The following CYP2A13 variants were observed in gnomAD, a reference collection of about 807,000 sequenced individuals.
The protein encoded by CYP2A13 is cytochrome P450 family 2 subfamily A member 13.
A neutral mutation model predicts 39.4 loss-of-function variants in CYP2A13; 30 were observed. The observed-to-expected ratio is 0.76, with a 90% CI of 0.57 to 1.03. The LOEUF (loss-of-function observed/expected upper bound fraction) is 1.03, where lower values mean the gene tolerates loss of function less well. CYP2A13 is among the 50% of genes least tolerant of loss of function. The pLI, the probability that CYP2A13 is intolerant of heterozygous loss-of-function variation, is 0.00. For synonymous variants in CYP2A13, 269 were observed against 254.7 expected, an observed-to-expected ratio of 1.06 and a Z score of -0.54; for missense variants, 731 against 648.4, an observed-to-expected ratio of 1.13 and a Z score of -1.38.
Position 41,089,840 on chromosome 19 carries a change from CT to C in CYP2A13, c.344-206del, listed in dbSNP as rs1599653501. Among the ~76,000 whole-genome samples, 7 of 129,938 alleles carry C rather than the reference CT, an allele frequency of 5.4e-5. No individual in the cohort carries two copies. In the South Asian group the frequency reaches 1.0e-3, roughly 19 times the overall value. The allele number at this position is 129,938 out of a possible 152,430, so 85.2% of individuals were successfully genotyped here. A position where few individuals can be genotyped will look rare whatever the true frequency, so the allele number is the denominator to read the frequency against. On this transcript the variant is annotated intron_variant, in intron 2 of 8. Transcript: ENST00000330436. ...TCTCTCTCTCTCTCTCTCTCTCTCT[CT>C]CTCTCTCTCTCTCTCTCTCTCTCTC...
chr19:41,089,804 GTCTCTCTCTCTCTCTCTCTCTCTCTC>G (rs752348205), intron 2 of CYP2A13, among the ~76,000 whole-genome samples: 1,099 of 26,572 alleles, frequency 0.041, 67 homozygotes, highest in Middle Eastern at 0.079. Flanking sequence ...TTTCTACCCG[GTCTCTCTCTCTCTCTCTCTCTCTCTC>G]TCTCTCTCTC....
intron 5 of CYP2A13, 88 bp downstream of exon 5, chr19:41,091,996 A>T: frequency 6.5e-7 from 1 of 1,549,798 alleles, no homozygotes; most frequent in Non-Finnish European, 8.7e-7. Context: ...ACACAGGCCC[A>T]TTCAAATTAG....
At chr19:41,090,925 C>T (rs146616835) in intron 4 of CYP2A13, among the ~76,000 whole-genome samples, 4 of 152,304 alleles carry the variant, frequency 2.6e-5, no homozygotes, top group East Asian at 3.9e-4. Context: ...CAAGTGACTG[C>T]GTCAACCCGC....
rs200112291 is a variant in CYP2A13 at position 41,093,672 on chromosome 19, G to A, written c.874G>A (p.Val292Met). Residue 292 changes from valine (V) to methionine (M), a missense_variant, in exon 6 of 9, where the codon GTG (valine) becomes ATG (methionine). Physicochemically the swap from Val to Met is conservative, Grantham distance 21. Coordinates refer to ENST00000330436, the MANE Select transcript of CYP2A13 (RefSeq NM_000766.5). The stretch of plus-strand genomic sequence containing the variant: ...CACAGAGTTCTACTTGAAGAACCTG[G>A]TGATGACCACCCTGAACCTCTTCTT... ...PNTEFYLKNL[V>M]MTTLNLFFAG... The A allele has an allele frequency of 2.5e-6, 4 of 1,614,154 alleles. No individual in the cohort carries two copies. In the Admixed American group the frequency reaches 6.7e-5, roughly 27 times the overall value.
At position 41,088,513 on chromosome 19, in the gene CYP2A13, C is replaced by T; in HGVS notation, c.42C>T (p.Cys14=). The part of the protein sequence containing the change: ...SGLLLVTLLA[C]LTVMVLMSVW... ...TGCTTCTGGTGACCTTGCTGGCCTGCCTGACTGTGATGGTCTTGATGTCAG... is the reference window on the plus strand; with the variant it reads ...TGCTTCTGGTGACCTTGCTGGCCTGTCTGACTGTGATGGTCTTGATGTCAG... The change falls in exon 1 of 9, where the codon TGC becomes TGT. Residue 14 remains cysteine, a synonymous_variant. Coordinates refer to ENST00000330436, the MANE Select transcript of CYP2A13 (RefSeq NM_000766.5). The T allele has an allele frequency of 2.5e-6, 4 of 1,614,002 alleles. No homozygotes were observed. The highest frequency in any genetic ancestry group is 1.1e-5 in the South Asian group (1 of 91,068).
At chr19:41,089,265 C>G (rs1301964191) in intron 2 of CYP2A13, among the ~76,000 whole-genome samples, 174 bp downstream of exon 2, 3 of 152,090 alleles carry the variant, frequency 2.0e-5, no homozygotes, top group African/African-American at 7.2e-5. Context: ...TCACCTGTCT[C>G]CAGCGTCCCT....
At chr19:41,092,188 C>T (rs891534536) in intron 5 of CYP2A13, among the ~76,000 whole-genome samples, 1 of 151,666 alleles carries the variant, frequency 6.6e-6, no homozygotes, top group Non-Finnish European at 1.5e-5. Flanking sequence ...TGGTGGCATG[C>T]GCCTGTAATC....
chr19:41,088,830 G>A, intron 1 of CYP2A13, 99 bp from the exon 2 acceptor site: 2 of 1,558,502 alleles, frequency 1.3e-6, no homozygotes, highest in South Asian at 1.2e-5. Context: ...CTGACTGTGA[G>A]AACCTGGGGG....
At chr19:41,094,492 G>T in intron 7 of CYP2A13, 60 bp downstream of exon 7, 1 of 1,596,600 alleles carries the variant, frequency 6.3e-7, no homozygotes, top group Non-Finnish European at 8.6e-7. Flanking sequence ...CTCTCTCTGT[G>T]TCCCCAGAAT....
chr19:41,094,845 C>T, intron 7 of CYP2A13, 114 bp from the exon 8 acceptor site: 1 of 1,215,504 alleles, frequency 8.2e-7, no homozygotes, highest in East Asian at 2.3e-5. Flanking sequence ...CCCAACTCCT[C>T]CATGCCTGCC....
At chr19:41,094,471 G>A (rs2031259164) in intron 7 of CYP2A13, 39 bp downstream of exon 7, 1 of 1,611,136 alleles carries the variant, frequency 6.2e-7, no homozygotes, top group Admixed American at 1.7e-5. Flanking sequence ...CAGACTACGG[G>A]GACTTCCAGC....
Position 41,094,251 on chromosome 19 carries a change from T to C in CYP2A13, c.980T>C (p.Val327Ala), listed in dbSNP as rs763934136. ...LMKHPEVEAKVHEEIDRVIGK... is the reference protein window; with the variant it reads ...LMKHPEVEAKAHEEIDRVIGK... Reference sequence around the variant, plus strand: ...CATTCCCCTCCTCCCCCAGCCAAGGTCCATGAGGAGATTGACAGAGTGATC... The same window carrying C: ...CATTCCCCTCCTCCCCCAGCCAAGGCCCATGAGGAGATTGACAGAGTGATC... The change falls in exon 7 of 9, where the codon GTC becomes GCC. Residue 327 changes from valine to alanine, a missense_variant. Coordinates refer to ENST00000330436, the MANE Select transcript of CYP2A13 (RefSeq NM_000766.5). 1.2e-6 allele frequency: 2 copies of C among 1,613,870 alleles called. No homozygotes were observed. The highest frequency in any genetic ancestry group is 1.7e-5 in the Admixed American group (1 of 59,982).
Position 41,094,975 on chromosome 19 carries a change from C to T in CYP2A13, c.1178C>T (p.Pro393Leu), listed in dbSNP as rs773217452. The T allele has an allele frequency of 2.4e-5, 39 of 1,614,134 alleles. No individual in the cohort carries two copies. Among genetic ancestry groups the T allele is most frequent in the Non-Finnish European group, 3.3e-5 (39 of 1,180,016 alleles). Residue 393 changes from proline (P) to leucine (L), a missense_variant, in exon 8 of 9, where the codon CCT becomes CTT. By Grantham distance (98) the Pro-to-Leu change is moderately conservative. Coordinates refer to ENST00000330436, the MANE Select transcript of CYP2A13 (RefSeq NM_000766.5). ...CCCTCCCAGGGCACTGAAGTGTTCC[C>T]TATGCTGGGCTCCGTGCTGAGAGAC... ...FFLPKGTEVF[P>L]MLGSVLRDPR...
Position 41,096,169 on chromosome 19 carries a change from T to G in CYP2A13, c.*228T>G. ...CCTTACAGTATGCTACAAAGAGTAG[T>G]AATAATAGCAGCTCTTATTTCCTGA... On this transcript the variant is annotated 3_prime_UTR_variant, in exon 9 of 9. Transcript: ENST00000330436. The G allele has an allele frequency of 1.5e-6, 1 of 646,386 alleles. No individual in the cohort carries two copies. The highest frequency in any genetic ancestry group is 2.7e-6 in the Non-Finnish European group (1 of 375,626). 40.0% of individuals were successfully genotyped at this position (646,386 alleles called of 1,614,324 possible).
intron 5 of CYP2A13, among the ~76,000 whole-genome samples, chr19:41,093,044 C>G (rs776107413): frequency 1.3e-5 from 2 of 151,872 alleles, no homozygotes; most frequent in South Asian, 4.2e-4. Flanking sequence ...AAAACCCCGT[C>G]TGTACAAAAA....
chr19:41,093,936 C>A (rs2031244664), intron 6 of CYP2A13, among the ~76,000 whole-genome samples, 165 bp downstream of exon 6: 1 of 152,044 alleles, frequency 6.6e-6, no homozygotes, highest in African/African-American at 2.4e-5. Flanking sequence ...GTCTCATTAG[C>A]TATTAAAATA....
At position 41,095,943 on chromosome 19, in the gene CYP2A13, C is replaced by A. The variant is rs765333088; in HGVS notation, c.*2C>A. The A allele has an allele frequency of 1.4e-6, 2 of 1,384,774 alleles. No homozygotes were observed. The highest frequency in any genetic ancestry group is 1.6e-5 in the African/African-American group (1 of 64,382). 85.8% of individuals were successfully genotyped at this position (1,384,774 alleles called of 1,614,324 possible). A position where few individuals can be genotyped will look rare whatever the true frequency, so the allele number is the denominator to read the frequency against. ...ACCATGAGCTTCCTGCCCCGCTGAG[C>A]GAGGGCTGTGCTGGTGCAGGGCTGG... On this transcript the variant is annotated 3_prime_UTR_variant, in exon 9 of 9. Transcript: ENST00000330436.
intron 5 of CYP2A13, 84 bp from the exon 6 acceptor site, chr19:41,093,546 G>C: frequency 6.4e-7 from 1 of 1,550,730 alleles, no homozygotes; most frequent in Non-Finnish European, 8.8e-7. Flanking sequence ...CTGGACCAAA[G>C]AGAGGTAGCT....
rs1411296941 is a variant in CYP2A13 at position 41,089,842 on chromosome 19, C to CG, written c.344-205_344-204insG. Among the ~76,000 whole-genome samples the CG allele has an allele frequency of 1.0e-3, 127 of 126,642 alleles. 2 individuals are homozygous for CG. Among genetic ancestry groups the CG allele is most frequent in the Admixed American group, 3.4e-3 (37 of 10,756 alleles). The allele number at this position is 126,642 out of a possible 152,430, so 83.1% of individuals were successfully genotyped here. ...TCTCTCTCTCTCTCTCTCTCTCTCTCTCTCTCTCTCTCTCTCTCTCTCTCT... is the reference window on the plus strand; with the variant it reads ...TCTCTCTCTCTCTCTCTCTCTCTCTCGTCTCTCTCTCTCTCTCTCTCTCTCT... On this transcript the variant is annotated intron_variant, in intron 2 of 8. Coordinates refer to ENST00000330436, the MANE Select transcript of CYP2A13 (RefSeq NM_000766.5).
Sources: allele counts gnomAD v4.1 joint callset (sites outside exome capture counted in the v4.1 genomes callset), GRCh38; gene constraint gnomAD v4.1.1; transcripts MANE v1.5; gene names NCBI Gene and HGNC (gene_info 2026-07-23, HGNC 2026-07-21).